RABEPK: variants seen among roughly 807,000 people sequenced by gnomAD.
RABEPK encodes 40 kDa Rab9 effector protein.
Under a neutral mutation model 34.1 loss-of-function variants are expected in RABEPK, and 27 were observed. The ratio of observed to expected loss-of-function variants is 0.79; its 90% CI spans 0.58 to 1.09. RABEPK has a LOEUF of 1.09. Ranked by LOEUF, RABEPK falls within the 50% of genes least tolerant of loss-of-function variation. RABEPK has a pLI of 0.00. For missense variants in RABEPK, 449 were observed against 462.6 expected, an observed-to-expected ratio of 0.97 and a Z score of 0.27; for synonymous variants, 172 against 169.2, an observed-to-expected ratio of 1.02 and a Z score of -0.13.
chr9:125,202,085 T>C (rs1829942389), intron 1 of RABEPK, among the ~76,000 whole-genome samples: 1 of 151,590 alleles, frequency 6.6e-6, no homozygotes, highest in African/African-American at 2.4e-5. Context: ...GTGGTGGCAC[T>C]TGCCTGTAGT....
intron 1 of RABEPK, among the ~76,000 whole-genome samples, chr9:125,202,056 CA>C (rs967259877): frequency 2.0e-5 from 3 of 149,970 alleles, no homozygotes; most frequent in African/African-American, 7.4e-5. Context: ...ACGAAAAATA[CA>C]AAAAAAATTA....
intron 4 of RABEPK, among the ~76,000 whole-genome samples, chr9:125,219,048 A>G (rs1831140414): frequency 6.6e-6 from 1 of 151,838 alleles, no homozygotes; most frequent in South Asian, 2.1e-4. Flanking sequence ...GTCTCTTTTA[A>G]AAAGTTACTT....
chr9:125,207,584 G>C lies in RABEPK; in HGVS notation c.74G>C (p.Gly25Ala). ...GGCAGGTACACCTTGACTGTCCCTG[G>C]AGACAGCCCCTGTGCTCGAGTTGGC... ...KATWYTLTVP[G>A]DSPCARVGHS... Residue 25 changes from glycine to alanine, a missense_variant, in exon 3 of 8, where the codon GGA becomes GCA. By Grantham distance (60) the Gly-to-Ala change is moderately conservative (BLOSUM62 0). Coordinates refer to ENST00000373538, the MANE Select transcript of RABEPK (RefSeq NM_005833.4). The C allele has an allele frequency of 1.2e-6, 2 of 1,614,104 alleles. No homozygotes were observed. Among genetic ancestry groups the C allele is most frequent in the Non-Finnish European group, 1.7e-6 (2 of 1,179,976 alleles).
chr9:125,228,184 CT>C, intron 6 of RABEPK, 125 bp downstream of exon 6: 1 of 801,518 alleles, frequency 1.2e-6, no homozygotes, highest in Non-Finnish European at 1.7e-6. Context: ...TAGCCTCAGC[CT>C]CCAGGACTCA....
At position 125,207,676 on chromosome 9, in the gene RABEPK, G is replaced by A. The variant is rs775927683; in HGVS notation, c.166G>A (p.Ala56Thr). The A allele has an allele frequency of 2.4e-5, 39 of 1,614,202 alleles. No individual in the cohort carries two copies. The South Asian group carries it at 3.3e-4, about 14-fold the overall frequency. The change falls in exon 3 of 8, where the codon GCA becomes ACA. Residue 56 changes from alanine to threonine, a missense_variant. Ala to Thr is a moderately conservative substitution (Grantham distance 58). Transcript: ENST00000373538. ...AGGGAAGGTCTTCATTGTTGGGGGA[G>A]CAAATCCAAACAGAAGCTTCTCAGA... Reference protein sequence around the residue: ...KRGKVFIVGGANPNRSFSDVH... With the variant: ...KRGKVFIVGGTNPNRSFSDVH...
intron 2 of RABEPK, among the ~76,000 whole-genome samples, chr9:125,206,520 G>A (rs957499411): frequency 6.6e-6 from 1 of 151,834 alleles, no homozygotes; most frequent in African/African-American, 2.4e-5. Context: ...GAGAGAGAGA[G>A]ATAGTGGAAT....
rs185425492 is a variant in RABEPK, at chr9:125,228,888, G to A, written c.676+829G>A. ...TGAGGCAGGAGAATTGCTTGAACCC[G>A]GGAGGCAGAGGTTGCAGTGAGCCGA... is the stretch of plus-strand genomic sequence containing the variant. On this transcript the variant is annotated intron_variant, in intron 6 of 7. Transcript: ENST00000373538. Among the ~76,000 whole-genome samples, 1,271 of 144,956 alleles carry A rather than the reference G, an allele frequency of 8.8e-3. 10 individuals carry two copies. Among genetic ancestry groups the A allele is most frequent in the Non-Finnish European group, 0.013 (833 of 65,874 alleles).
At chr9:125,233,038 A>T (rs553945208) in intron 7 of RABEPK, among the ~76,000 whole-genome samples, 21 of 150,510 alleles carry the variant, frequency 1.4e-4, no homozygotes, top group Non-Finnish European at 2.7e-4. Flanking sequence ...AGATCACACC[A>T]CTGCACTCCA....
chr9:125,210,020 A>AT (rs1244028166), intron 3 of RABEPK, among the ~76,000 whole-genome samples: 3 of 152,126 alleles, frequency 2.0e-5, no homozygotes, highest in African/African-American at 7.2e-5. Context: ...TATTTTCCTC[A>AT]TCATTGTATC....
chr9:125,228,112 AT>A, intron 6 of RABEPK, 53 bp downstream of exon 6: 1 of 1,292,770 alleles, frequency 7.7e-7, no homozygotes, highest in Non-Finnish European at 1.0e-6. Context: ...TTATTTATTT[AT>A]TTATTTTTAG....
chr9:125,233,063 C>A (rs1479635047), intron 7 of RABEPK, among the ~76,000 whole-genome samples: 13 of 143,174 alleles, frequency 9.1e-5, no homozygotes, highest in Non-Finnish European at 1.7e-4. Context: ...GGTGACAGAG[C>A]GAGACTCTGT....
chr9:125,220,495 C>T (rs776685168), intron 4 of RABEPK, 44 bp from the exon 5 acceptor site: 11 of 1,537,766 alleles, frequency 7.2e-6, no homozygotes, highest in Admixed American at 3.9e-5. Flanking sequence ...GTCAGAAGCC[C>T]CTCTACCTGG....
At chr9:125,203,909 G>A (rs532896445) in intron 2 of RABEPK, among the ~76,000 whole-genome samples, 5 of 151,846 alleles carry the variant, frequency 3.3e-5, no homozygotes, top group African/African-American at 1.2e-4. Flanking sequence ...TTGTGCAACT[G>A]TAGTCCCAGC....
Position 125,225,387 on chromosome 9 carries a change from C to CA in RABEPK, c.527-2510dup, listed in dbSNP as rs35781703. On this transcript the variant is annotated intron_variant, in intron 5 of 7. Coordinates refer to ENST00000373538, the MANE Select transcript of RABEPK (RefSeq NM_005833.4). ...AGGCAACAAGAGCACAACTCCATCT[C>CA]AAAAAAAAAAAAATGGCTGGATGCA... 6.2e-3 allele frequency among the ~76,000 whole-genome samples: 904 copies of CA among 145,682 alleles called. 6 individuals carry two copies. Among genetic ancestry groups the CA allele is most frequent in the Admixed American group, 9.8e-3 (143 of 14,544 alleles).
intron 2 of RABEPK, among the ~76,000 whole-genome samples, chr9:125,204,915 C>A (rs1434270414): frequency 6.6e-6 from 1 of 152,192 alleles, no homozygotes; most frequent in Admixed American, 6.6e-5. Context: ...ATAGCCTCGA[C>A]CTCCTGGCCT....
intron 4 of RABEPK, among the ~76,000 whole-genome samples, chr9:125,217,370 CAA>C (rs1830997158): frequency 6.6e-6 from 1 of 152,138 alleles, no homozygotes; most frequent in Non-Finnish European, 1.5e-5. Flanking sequence ...GGAAAGCTGT[CAA>C]AGAGGGTGAT....
At chr9:125,218,523 T>C (rs1172227186) in intron 4 of RABEPK, among the ~76,000 whole-genome samples, 1 of 152,118 alleles carries the variant, frequency 6.6e-6, no homozygotes, top group African/African-American at 2.4e-5. Flanking sequence ...TGCTGCCCAT[T>C]GAGGGTGCTC....
At chr9:125,210,069 C>T (rs1830487461) in intron 3 of RABEPK, among the ~76,000 whole-genome samples, 1 of 152,070 alleles carries the variant, frequency 6.6e-6, no homozygotes, top group South Asian at 2.1e-4. Flanking sequence ...AGTGGGTGCT[C>T]TATAAGTATT....
intron 2 of RABEPK, among the ~76,000 whole-genome samples, chr9:125,204,308 G>T (rs928767137): frequency 2.0e-5 from 3 of 151,354 alleles, no homozygotes; most frequent in South Asian, 4.2e-4. Flanking sequence ...CTGACCGGGC[G>T]CAATAGCTCA....
Sources: gnomAD v4.1 joint callset for allele counts (sites outside exome capture counted in the v4.1 genomes callset) on GRCh38, gnomAD v4.1.1 for gene constraint, MANE v1.5 for transcripts, NCBI Gene and HGNC (gene_info 2026-07-23, HGNC 2026-07-21) for gene names.